Variants in MTMR2 observed in about 807,000 individuals in gnomAD.
The protein encoded by MTMR2 is myotubularin related protein 2.
Under a neutral mutation model 86.9 loss-of-function variants are expected in MTMR2, and 55 were observed. The ratio of observed to expected loss-of-function variants is 0.63; its 90% CI spans 0.51 to 0.79. The LOEUF (loss-of-function observed/expected upper bound fraction) is 0.79, where lower values mean the gene tolerates loss of function less well. Among genes scored for constraint, MTMR2 ranks in the 30% least tolerant of loss-of-function variants. The pLI, the probability that MTMR2 is intolerant of heterozygous loss-of-function variation, is 0.00. For synonymous variants in MTMR2, 241 were observed against 266.8 expected, an observed-to-expected ratio of 0.90 and a Z score of 0.94; for missense variants, 659 against 772.3, an observed-to-expected ratio of 0.85 and a Z score of 1.74.
At chr11:95,871,459 T>C (rs1864879045) in intron 2 of MTMR2, among the ~76,000 whole-genome samples, 2 of 152,242 alleles carry the variant, frequency 1.3e-5, no homozygotes, top group African/African-American at 2.4e-5. Context: ...TATCTCATTG[T>C]GGTTTTCATT....
chr11:95,864,235 T>C (rs1253253443), intron 3 of MTMR2, among the ~76,000 whole-genome samples: 1 of 152,054 alleles, frequency 6.6e-6, no homozygotes, highest in South Asian at 2.1e-4. Flanking sequence ...GCAAGTGATG[T>C]TACAAATTTA....
At chr11:95,902,289 T>C (rs1040571702) in intron 1 of MTMR2, among the ~76,000 whole-genome samples, 3 of 152,172 alleles carry the variant, frequency 2.0e-5, no homozygotes, top group African/African-American at 7.2e-5. Context: ...AGCAAGAGTT[T>C]AAAAAGGGCA....
At chr11:95,900,530 G>C (rs1166667255) in intron 1 of MTMR2, among the ~76,000 whole-genome samples, 6 of 152,164 alleles carry the variant, frequency 3.9e-5, no homozygotes, top group Non-Finnish European at 7.3e-5. Flanking sequence ...GAATGAAAAA[G>C]TTAAGGTATG....
chr11:95,869,113 GCT>G (rs1419968885), intron 2 of MTMR2, among the ~76,000 whole-genome samples: 9 of 151,350 alleles, frequency 5.9e-5, no homozygotes, highest in African/African-American at 1.2e-4. Context: ...ACCATACTAC[GCT>G]CTGAGTCTTA....
At chr11:95,871,079 T>C (rs780818223) in intron 2 of MTMR2, among the ~76,000 whole-genome samples, 1 of 152,230 alleles carries the variant, frequency 6.6e-6, no homozygotes, top group Non-Finnish European at 1.5e-5. Context: ...TCATTTTTTA[T>C]GGCTGCATAG....
At chr11:95,856,438 A>G (rs1162777820) in intron 7 of MTMR2, among the ~76,000 whole-genome samples, 1 of 151,796 alleles carries the variant, frequency 6.6e-6, no homozygotes, top group Non-Finnish European at 1.5e-5. Context: ...TAAACTTAAA[A>G]TATATCCAAG....
intron 7 of MTMR2, among the ~76,000 whole-genome samples, 197 bp downstream of exon 7, chr11:95,857,355 G>T (rs765083709): frequency 3.9e-5 from 6 of 152,018 alleles, no homozygotes; most frequent in Non-Finnish European, 7.4e-5. Context: ...GGACTCTTTG[G>T]GAAGTGGTAT....
chr11:95,883,500 A>G (rs1651682839), intron 2 of MTMR2, among the ~76,000 whole-genome samples: 1 of 152,238 alleles, frequency 6.6e-6, no homozygotes, highest in African/African-American at 2.4e-5. Context: ...GGGAGAACAA[A>G]TGAAGCAAGG....
chr11:95,923,836 C>T (rs1255751903), intron 1 of MTMR2, 39 bp downstream of exon 1: 3 of 1,549,144 alleles, frequency 1.9e-6, no homozygotes, highest in South Asian at 1.2e-5. Context: ...CTCTCCATCC[C>T]CTTCGGACGC....
intron 14 of MTMR2, among the ~76,000 whole-genome samples, chr11:95,835,740 C>T (rs186005211): frequency 1.3e-5 from 2 of 152,036 alleles, no homozygotes; most frequent in East Asian, 3.9e-4. Context: ...AGACAGTAGT[C>T]AGAAGATTCC....
intron 1 of MTMR2, chr11:95,914,246 T>C: frequency 1.0e-6 from 1 of 978,598 alleles, no homozygotes; most frequent in Non-Finnish European, 1.2e-6. Flanking sequence ...ACTTACATTA[T>C]AATTTTTGAG....
chr11:95,884,908 C>A (rs1451440269), intron 2 of MTMR2, among the ~76,000 whole-genome samples: 3 of 151,770 alleles, frequency 2.0e-5, no homozygotes, highest in Non-Finnish European at 4.4e-5. Context: ...TCTTTTTTTT[C>A]TCTGCCCTTT....
intron 13 of MTMR2, among the ~76,000 whole-genome samples, chr11:95,837,399 A>ATACTT (rs1341350022): frequency 6.6e-6 from 1 of 152,094 alleles, no homozygotes; most frequent in East Asian, 1.9e-4. Flanking sequence ...TAAAACATAA[A>ATACTT]TACTTTGTAA....
chr11:95,894,262 G>A (rs1350433602), intron 1 of MTMR2, among the ~76,000 whole-genome samples: 6 of 151,992 alleles, frequency 3.9e-5, no homozygotes, highest in Non-Finnish European at 7.4e-5. Context: ...CATAATACCT[G>A]TAACATTATA....
intron 3 of MTMR2, among the ~76,000 whole-genome samples, chr11:95,864,138 G>A (rs1474183861): frequency 2.0e-5 from 3 of 152,158 alleles, no homozygotes; most frequent in African/African-American, 7.2e-5. Flanking sequence ...AAGGATGTGT[G>A]TTTAAGATAG....
chr11:95,883,628 A>G (rs1477190595), intron 2 of MTMR2, among the ~76,000 whole-genome samples: 2 of 152,218 alleles, frequency 1.3e-5, no homozygotes, highest in African/African-American at 4.8e-5. Context: ...GACTTTTTCC[A>G]TAACAAACAA....
At chr11:95,885,150 T>C (rs1676202247) in intron 2 of MTMR2, among the ~76,000 whole-genome samples, 1 of 152,128 alleles carries the variant, frequency 6.6e-6, no homozygotes, top group African/African-American at 2.4e-5. Context: ...GCTAAGGTAG[T>C]CATGTAATTC....
intron 2 of MTMR2, among the ~76,000 whole-genome samples, chr11:95,882,087 A>T (rs1203756467): frequency 6.6e-6 from 1 of 152,218 alleles, no homozygotes; most frequent in Admixed American, 6.5e-5. Flanking sequence ...TAAAATAATC[A>T]TTATGTGATA....
intron 2 of MTMR2, among the ~76,000 whole-genome samples, chr11:95,870,460 C>G (rs917986290): frequency 6.6e-6 from 1 of 151,974 alleles, no homozygotes; most frequent in Non-Finnish European, 1.5e-5. Flanking sequence ...AAATAGAATC[C>G]TGGATTAGTC....
Sources: allele counts gnomAD v4.1 joint callset (sites outside exome capture counted in the v4.1 genomes callset), GRCh38; gene constraint gnomAD v4.1.1; transcripts MANE v1.5; gene names NCBI Gene and HGNC (gene_info 2026-07-23, HGNC 2026-07-21).